PARP8: variants seen among roughly 807,000 people sequenced by gnomAD.
PARP8 encodes the protein protein mono-ADP-ribosyltransferase PARP8.
PARP8 carries 51 observed loss-of-function variants against 124.1 expected under a neutral mutation model. That is an observed-to-expected ratio of 0.41 (90% confidence interval 0.33 to 0.52). The LOEUF (loss-of-function observed/expected upper bound fraction) is 0.52, where lower values mean the gene tolerates loss of function less well. PARP8 is among the 20% of genes least tolerant of loss of function. The probability of loss-of-function intolerance (pLI) is 0.21; values close to 1 mark genes in which losing one functional copy is unlikely to be tolerated. For missense variants in PARP8, 860 were observed against 1,018.9 expected, an observed-to-expected ratio of 0.84 and a Z score of 2.12; for synonymous variants, 391 against 361.5, an observed-to-expected ratio of 1.08 and a Z score of -0.93.
chr5:50,727,782 C>G (rs149327635), intron 2 of PARP8, among the ~76,000 whole-genome samples: 3 of 152,252 alleles, frequency 2.0e-5, no homozygotes, highest in African/African-American at 7.2e-5. Flanking sequence ...TCATCGCATC[C>G]TGCAGGAAAC....
At chr5:50,760,625 C>A (rs763445428) in intron 5 of PARP8, among the ~76,000 whole-genome samples, 2 of 152,002 alleles carry the variant, frequency 1.3e-5, no homozygotes, top group African/African-American at 2.4e-5. Context: ...ATTCTGTATT[C>A]TTTCATCAAA....
chr5:50,820,938 C>G (rs1401637141), intron 15 of PARP8, among the ~76,000 whole-genome samples: 1 of 152,210 alleles, frequency 6.6e-6, no homozygotes, highest in African/African-American at 2.4e-5. Context: ...TGTGCCTTGT[C>G]TTACCATAGG....
intron 15 of PARP8, 47 bp from the exon 16 acceptor site, chr5:50,821,166 T>C (rs1292506637): frequency 2.5e-6 from 4 of 1,607,980 alleles, no homozygotes; most frequent in African/African-American, 1.3e-5. Context: ...GGCAAAGCAC[T>C]GGATAAAACC....
chr5:50,751,719 A>G (rs1158172557), intron 3 of PARP8, among the ~76,000 whole-genome samples: 1 of 152,166 alleles, frequency 6.6e-6, no homozygotes, highest in Non-Finnish European at 1.5e-5. Flanking sequence ...TAAGTATTAA[A>G]TAACATTTTC....
chr5:50,754,330 C>A (rs368300152), intron 3 of PARP8, among the ~76,000 whole-genome samples: 1 of 151,566 alleles, frequency 6.6e-6, no homozygotes, highest in Non-Finnish European at 1.5e-5. Context: ...TATCCCTCCC[C>A]CCAGCCTCCC....
At chr5:50,759,622 C>CTTTTTTTTT in intron 3 of PARP8, 21 bp from the exon 4 acceptor site, 2 of 1,326,272 alleles carry the variant, frequency 1.5e-6, no homozygotes, top group South Asian at 1.7e-5. Flanking sequence ...CTTTCATTAT[C>CTTTTTTTTT]TTTTTTTTTT....
intron 2 of PARP8, among the ~76,000 whole-genome samples, chr5:50,747,168 T>TTTTTTTTTTTTTTC (rs1758669372): frequency 7.2e-6 from 1 of 139,298 alleles, no homozygotes; most frequent in African/African-American, 2.8e-5. Flanking sequence ...GTTTTGTTTT[T>TTTTTTTTTTTTTTC]TTTTTTTTTT....
At chr5:50,839,339 A>G (rs988752532) in intron 25 of PARP8, among the ~76,000 whole-genome samples, 27 of 151,844 alleles carry the variant, frequency 1.8e-4, no homozygotes, top group African/African-American at 6.5e-4. Flanking sequence ...TTCATGTTCT[A>G]TTTCTCTTAA....
At chr5:50,720,498 G>A (rs1375285796) in intron 2 of PARP8, among the ~76,000 whole-genome samples, 1 of 152,016 alleles carries the variant, frequency 6.6e-6, no homozygotes, top group East Asian at 1.9e-4. Context: ...CAAAAGGGAA[G>A]AATGGAAGAA....
At chr5:50,746,714 G>A (rs1259225798) in intron 2 of PARP8, among the ~76,000 whole-genome samples, 3 of 151,850 alleles carry the variant, frequency 2.0e-5, no homozygotes, top group African/African-American at 7.3e-5. Flanking sequence ...ACAATGTTTG[G>A]CTCATACCAG....
intron 2 of PARP8, among the ~76,000 whole-genome samples, chr5:50,726,791 TCC>T (rs1756472012): frequency 6.6e-6 from 1 of 152,110 alleles, no homozygotes; most frequent in Non-Finnish European, 1.5e-5. Context: ...ATCATCTCTG[TCC>T]TCATGCTACA....
At chr5:50,753,755 T>C (rs952721040) in intron 3 of PARP8, among the ~76,000 whole-genome samples, 11 of 151,984 alleles carry the variant, frequency 7.2e-5, no homozygotes, top group African/African-American at 2.7e-4. Flanking sequence ...ATATAATTTT[T>C]TTAGAGTTAT....
At chr5:50,678,141 A>T (rs965021738) in intron 2 of PARP8, among the ~76,000 whole-genome samples, 1 of 152,170 alleles carries the variant, frequency 6.6e-6, no homozygotes, top group African/African-American at 2.4e-5. Context: ...AAACTATACT[A>T]AACAAAAAGT....
chr5:50,723,362 A>C (rs1333843651), intron 2 of PARP8, among the ~76,000 whole-genome samples: 1 of 152,094 alleles, frequency 6.6e-6, no homozygotes, highest in African/African-American at 2.4e-5. Context: ...GTTGTCTCTC[A>C]GTTTCTAAAT....
Position 50,845,538 on chromosome 5 carries a change from C to G in PARP8, c.*3470C>G, listed in dbSNP as rs956118656. The G allele has an allele frequency of 2.6e-5, 4 of 151,596 alleles. No homozygotes were observed. The highest frequency in any genetic ancestry group is 7.3e-5 in the African/African-American group (3 of 41,340). The allele number at this position is 151,596 out of a possible 1,614,324, so 9.4% of individuals were successfully genotyped here. On this transcript the variant is annotated 3_prime_UTR_variant, in exon 26 of 26. Transcript: ENST00000281631. ...TAAATTGGGTTTTCAATGTCAGGAA[C>G]AAATAAAATTTTGCAAATAGAAGTC...
chr5:50,724,874 T>G (rs1756259925), intron 2 of PARP8, among the ~76,000 whole-genome samples: 1 of 151,918 alleles, frequency 6.6e-6, no homozygotes, highest in Admixed American at 6.6e-5. Flanking sequence ...ACTCTGAGTC[T>G]CAAAAGTCCA....
chr5:50,774,807 AGGCGGCCG>A (rs1739763401), intron 7 of PARP8, among the ~76,000 whole-genome samples: 1 of 77,778 alleles, frequency 1.3e-5, no homozygotes, highest in Non-Finnish European at 2.6e-5. Context: ...TTCCCAGACG[AGGCGGCCG>A]GGCAGAGGCG....
At chr5:50,692,546 T>A (rs1752606593) in intron 2 of PARP8, among the ~76,000 whole-genome samples, 1 of 152,004 alleles carries the variant, frequency 6.6e-6, no homozygotes, top group Admixed American at 6.6e-5. Flanking sequence ...TCTTTGTTAG[T>A]ACAGTGCCTG....
chr5:50,687,523 C>A (rs985801653), intron 2 of PARP8, among the ~76,000 whole-genome samples: 1 of 152,080 alleles, frequency 6.6e-6, no homozygotes. Context: ...TTTCAGCAAC[C>A]CCCACTCTCT....
Sources: gnomAD v4.1 joint callset for allele counts (sites outside exome capture counted in the v4.1 genomes callset) on GRCh38, gnomAD v4.1.1 for gene constraint, MANE v1.5 for transcripts, NCBI Gene and HGNC (gene_info 2026-07-23, HGNC 2026-07-21) for gene names.